Variants in DDX4 observed in about 807,000 individuals in gnomAD.
DDX4 encodes the protein probable ATP-dependent RNA helicase DDX4.
Under a neutral mutation model 100.0 loss-of-function variants are expected in DDX4, and 25 were observed. That is an observed-to-expected ratio of 0.25 (90% CI 0.18 to 0.35). The LOEUF (loss-of-function observed/expected upper bound fraction) is 0.35, where lower values mean the gene tolerates loss of function less well. Ranked by LOEUF, DDX4 falls within the 10% of genes least tolerant of loss-of-function variation. The probability of loss-of-function intolerance (pLI) is 1.00; values close to 1 mark genes in which losing one functional copy is unlikely to be tolerated. For missense variants in DDX4, 635 were observed against 882.4 expected, an observed-to-expected ratio of 0.72 and a Z score of 3.55; for synonymous variants, 259 against 275.7, an observed-to-expected ratio of 0.94 and a Z score of 0.60.
chr5:55,774,157 T>G lies in DDX4; in HGVS notation c.395-5807T>G, dbSNP rs976933514. ...TTTTTTAATTTATCTAATTTTTTTTTTTTTGTTTTTGAGACAGAGTCTCGC... is the reference window on the plus strand; with the variant it reads ...TTTTTTAATTTATCTAATTTTTTTTGTTTTGTTTTTGAGACAGAGTCTCGC... On this transcript the variant is annotated intron_variant, in intron 7 of 21. Coordinates refer to ENST00000505374, the MANE Select transcript of DDX4 (RefSeq NM_024415.3). Among the ~76,000 whole-genome samples, 91 of 151,902 alleles carry G rather than the reference T, an allele frequency of 6.0e-4. 1 individual carries two copies. The highest frequency in any genetic ancestry group is 2.4e-3 in the Admixed American group (37 of 15,286).
At chr5:55,791,759 G>A (rs915516396) in intron 16 of DDX4, among the ~76,000 whole-genome samples, 3 of 152,172 alleles carry the variant, frequency 2.0e-5, no homozygotes, top group African/African-American at 7.2e-5. Flanking sequence ...CCAAGTCACA[G>A]TAGCCACATT....
intron 13 of DDX4, among the ~76,000 whole-genome samples, chr5:55,786,126 C>T (rs1447095819): frequency 6.6e-6 from 1 of 152,100 alleles, no homozygotes; most frequent in African/African-American, 2.4e-5. Context: ...AATGCTTTTC[C>T]TAGTGATTCA....
At chr5:55,815,680 T>G (rs904385079) in intron 21 of DDX4, among the ~76,000 whole-genome samples, 1 of 152,140 alleles carries the variant, frequency 6.6e-6, no homozygotes, top group Non-Finnish European at 1.5e-5. Context: ...TCTTTTAAAC[T>G]TCTGATGGAA....
At chr5:55,762,865 C>T (rs1031396354) in intron 4 of DDX4, among the ~76,000 whole-genome samples, 5 of 152,236 alleles carry the variant, frequency 3.3e-5, no homozygotes, top group Non-Finnish European at 7.4e-5. Context: ...TAATAGCTGG[C>T]TCTATCAGGA....
At chr5:55,789,158 G>T (rs80156702) in intron 15 of DDX4, among the ~76,000 whole-genome samples, 3 of 152,150 alleles carry the variant, frequency 2.0e-5, no homozygotes, top group Non-Finnish European at 4.4e-5. Flanking sequence ...TTTAAAGCTT[G>T]TAATTAATGT....
intron 9 of DDX4, 38 bp downstream of exon 9, chr5:55,781,184 A>T (rs1741889686): frequency 1.3e-6 from 2 of 1,511,512 alleles, no homozygotes; most frequent in South Asian, 1.2e-5. Flanking sequence ...TTAGTTACTG[A>T]TGTATGTTTT....
intron 6 of DDX4, chr5:55,766,886 T>A: frequency 6.6e-7 from 1 of 1,517,360 alleles, no homozygotes; most frequent in Non-Finnish European, 8.8e-7. Flanking sequence ...ATAGAACTTT[T>A]ACATTTCGAA....
Position 55,790,658 on chromosome 5 carries a change from T to C in DDX4, c.1255T>C (p.Leu419=). Residue 419 remains leucine, a synonymous_variant, in exon 16 of 22, where the codon TTA becomes CTA. Transcript: ENST00000505374. ...IRQIVQGCNI[L]CATPGRLMDI... ...ACAAATAGTACAAGGCTGTAATATATTATGTGCTACTCCTGGAAGACTGAT... is the reference window on the plus strand; with the variant it reads ...ACAAATAGTACAAGGCTGTAATATACTATGTGCTACTCCTGGAAGACTGAT... The C allele has an allele frequency of 6.2e-7, 1 of 1,610,542 alleles. No individual in the cohort carries two copies. The highest frequency in any genetic ancestry group is 8.5e-7 in the Non-Finnish European group (1 of 1,176,864).
At chr5:55,742,976 G>A (rs1271018637) in intron 2 of DDX4, among the ~76,000 whole-genome samples, 2 of 152,142 alleles carry the variant, frequency 1.3e-5, no homozygotes, top group African/African-American at 4.8e-5. Flanking sequence ...AGGACATCAG[G>A]TGCAAAGGTT....
intron 3 of DDX4, among the ~76,000 whole-genome samples, chr5:55,754,580 T>C (rs1759808527): frequency 6.6e-6 from 1 of 150,936 alleles, no homozygotes; most frequent in Admixed American, 6.6e-5. Context: ...TTTGCCAGTA[T>C]TTTATTGAGG....
chr5:55,786,153 T>C (rs564293666), intron 13 of DDX4, among the ~76,000 whole-genome samples: 1 of 152,286 alleles, frequency 6.6e-6, no homozygotes, highest in African/African-American at 2.4e-5. Context: ...TTTCCCAAGA[T>C]TGTGAGAAAG....
chr5:55,761,107 C>T (rs1287914835), intron 4 of DDX4, among the ~76,000 whole-genome samples: 4 of 152,036 alleles, frequency 2.6e-5, no homozygotes, highest in African/African-American at 9.7e-5. Flanking sequence ...ATACAATAAA[C>T]ACAAATTTGA....
At chr5:55,769,232 G>A (rs1330320835) in intron 7 of DDX4, among the ~76,000 whole-genome samples, 1 of 151,936 alleles carries the variant, frequency 6.6e-6, no homozygotes, top group Non-Finnish European at 1.5e-5. Context: ...TTATCTCCAG[G>A]GTTTTTATAG....
rs1411191544 is a variant in DDX4, at chr5:55,816,469, A to T, written c.2104A>T (p.Ser702Cys). The T allele has an allele frequency of 1.2e-6, 2 of 1,608,258 alleles. No homozygotes were observed. The highest frequency in any genetic ancestry group is 2.7e-5 in the African/African-American group (2 of 74,384). The part of the protein sequence containing the change: ...FASVDTRKGK[S>C]TLNTAGFSSS... ...TTTTTTAAATAATTACCAGGGCAAG[A>T]GCACTTTGAACACAGCTGGGTTTTC... The change falls in exon 22 of 22, where the codon AGC (serine) becomes TGC (cysteine). Residue 702 changes from serine to cysteine, a missense_variant. Physicochemically the swap from Ser to Cys is moderately radical, Grantham distance 112. This residue lies in a region of DDX4 where 73 missense variants were observed against 98.5 expected (regional missense o/e 0.74). Coordinates refer to ENST00000505374, the MANE Select transcript of DDX4 (RefSeq NM_024415.3).
chr5:55,784,141 G>A (rs1301810639), intron 10 of DDX4, among the ~76,000 whole-genome samples: 2 of 152,062 alleles, frequency 1.3e-5, no homozygotes, highest in Non-Finnish European at 2.9e-5. Context: ...AACCAGGGAA[G>A]TTGATGGTGT....
Position 55,790,589 on chromosome 5 carries a change from G to T in DDX4, c.1186G>T (p.Ala396Ser). Residue 396 changes from alanine (A) to serine (S), a missense_variant, in exon 16 of 22, where the codon GCT becomes TCT. Physicochemically the swap from Ala to Ser is moderately conservative, Grantham distance 99 (BLOSUM62 1). Transcript: ENST00000505374. ...RKFSFGTCVR[A>S]VVIYGGTQLG... is the part of the protein sequence containing the mutation. Reference sequence around the variant, plus strand: ...TCTTGTTAATAGGACTTGTGTAAGAGCTGTTGTTATATATGGGGGAACCCA... The same window carrying T: ...TCTTGTTAATAGGACTTGTGTAAGATCTGTTGTTATATATGGGGGAACCCA... 6.3e-7 allele frequency: 1 copy of T among 1,594,876 alleles called. No individual in the cohort carries two copies.
rs1744238967 is a variant in DDX4, at chr5:55,813,678, G to A, written c.1621G>A (p.Glu541Lys). Reference sequence around the variant, plus strand: ...ATAATTTCATTGTCTTGTAGGGGATGAAAGAACTATGGTCTTTGTTGAAAC... The same window carrying A: ...ATAATTTCATTGTCTTGTAGGGGATAAAAGAACTATGGTCTTTGTTGAAAC... ...LVEILRNIGD[E>K]RTMVFVETKK... The change falls in exon 19 of 22, where the codon GAA becomes AAA. Residue 541 changes from glutamate (E) to lysine (K), a missense_variant. Around this residue, in one of 4 missense-constraint regions of DDX4, gnomAD observed 115 missense variants for 224.7 expected, o/e 0.51. Coordinates refer to ENST00000505374, the MANE Select transcript of DDX4 (RefSeq NM_024415.3). 1.3e-6 allele frequency: 2 copies of A among 1,578,288 alleles called. No individual in the cohort carries two copies. The highest frequency in any genetic ancestry group is 1.2e-5 in the South Asian group (1 of 82,674).
At chr5:55,766,372 A>T (rs1740925695) in intron 6 of DDX4, among the ~76,000 whole-genome samples, 1 of 151,458 alleles carries the variant, frequency 6.6e-6, no homozygotes, top group Non-Finnish European at 1.5e-5. Flanking sequence ...GGTTTATTTT[A>T]GGGAAATAAT....
chr5:55,771,155 G>GACAGGT (rs953517755), intron 7 of DDX4, among the ~76,000 whole-genome samples: 13 of 152,142 alleles, frequency 8.5e-5, no homozygotes, highest in African/African-American at 3.1e-4. Context: ...AAAATATGTA[G>GACAGGT]ACAGGTACAC....
Sources: gnomAD v4.1 joint callset for allele counts (sites outside exome capture counted in the v4.1 genomes callset) on GRCh38, gnomAD v4.1.1 for gene constraint, gnomAD v4.1.1 regional missense constraint, MANE v1.5 for transcripts, NCBI Gene and HGNC (gene_info 2026-07-23, HGNC 2026-07-21) for gene names.